DGKH: variants seen among roughly 807,000 people sequenced by gnomAD.
The protein encoded by DGKH is diacylglycerol kinase eta.
In DGKH, 90 loss-of-function variants were observed where a neutral mutation model predicts 159.3. The observed-to-expected ratio is 0.57, with a 90% CI of 0.48 to 0.67. The LOEUF (loss-of-function observed/expected upper bound fraction) is 0.67. Among genes scored for constraint, DGKH ranks in the 30% least tolerant of loss-of-function variants. The probability of loss-of-function intolerance (pLI) is 0.00; values close to 1 mark genes in which losing one functional copy is unlikely to be tolerated. For missense variants in DGKH, 1,181 were observed against 1,506.1 expected, an observed-to-expected ratio of 0.78 and a Z score of 3.57; for synonymous variants, 536 against 553.8, an observed-to-expected ratio of 0.97 and a Z score of 0.45.
intron 3 of DGKH, among the ~76,000 whole-genome samples, chr13:42,137,530 G>T (rs1266991173): frequency 3.9e-5 from 6 of 152,178 alleles, no homozygotes; most frequent in African/African-American, 1.4e-4. Context: ...CTATCTTCAT[G>T]ACTTTGCTAT....
rs1303208812 is a variant in DGKH at position 42,235,740 on chromosome 13, T to C, written c.*6552T>C. 1 of 152,178 alleles carries C rather than the reference T, an allele frequency of 6.6e-6. No individual in the cohort carries two copies. The highest frequency in any genetic ancestry group is 1.5e-5 in the Non-Finnish European group (1 of 67,998). The allele number at this position is 152,178 out of a possible 1,614,324, so 9.4% of individuals were successfully genotyped here. On this transcript the variant is annotated 3_prime_UTR_variant, in exon 30 of 30. Coordinates refer to ENST00000337343, the MANE Select transcript of DGKH (RefSeq NM_178009.5). ...AGTTTTGTGAGTTATATATTGTATA[T>C]TGAAGATGACTAGTAAATTCAAGTA...
intron 1 of DGKH, among the ~76,000 whole-genome samples, chr13:42,062,565 G>T (rs1882263004): frequency 6.6e-6 from 1 of 152,138 alleles, no homozygotes. Flanking sequence ...GCTTTCCTTG[G>T]GGGAACCAAA....
At chr13:42,247,230 T>C (rs1816370406), downstream of DGKH, among the ~76,000 whole-genome samples, 2 of 8,398 alleles carry the variant, frequency 2.4e-4, no homozygotes, top group Non-Finnish European at 7.2e-4. Context: ...CTATGTATAC[T>C]TTTTTTTTTT....
intron 1 of DGKH, among the ~76,000 whole-genome samples, chr13:42,079,085 A>G (rs1954152195): frequency 6.6e-6 from 1 of 150,974 alleles, no homozygotes; most frequent in Non-Finnish European, 1.5e-5. Flanking sequence ...CTAATTTTTT[A>G]TATATTTTTT....
intron 5 of DGKH, among the ~76,000 whole-genome samples, chr13:42,159,059 T>C (rs1321132851): frequency 6.6e-6 from 1 of 152,122 alleles, no homozygotes; most frequent in African/African-American, 2.4e-5. Context: ...TATAGCTTTA[T>C]AAAAGTGCTT....
At chr13:42,227,767 T>C (rs1958171622) in intron 29 of DGKH, among the ~76,000 whole-genome samples, 1 of 152,190 alleles carries the variant, frequency 6.6e-6, no homozygotes, top group African/African-American at 2.4e-5. Flanking sequence ...TCCAGAAGGA[T>C]TCATTACTGC....
rs150785974 is a variant in DGKH at position 42,097,779 on chromosome 13, G to A, written c.193-29684G>A. Among the ~76,000 whole-genome samples, 138 of 152,298 alleles carry A rather than the reference G, an allele frequency of 9.1e-4. 1 individual carries two copies. The highest frequency in any genetic ancestry group is 3.2e-3 in the African/African-American group (135 of 41,558). Reference sequence around the variant, plus strand: ...AGCTTTCCAGAGGTGAAGAAATAGGGAGTGAGGTGCAGGGGGTGTGTAAGG... The same window carrying A: ...AGCTTTCCAGAGGTGAAGAAATAGGAAGTGAGGTGCAGGGGGTGTGTAAGG... On this transcript the variant is annotated intron_variant, in intron 1 of 29. Transcript: ENST00000337343.
At chr13:42,071,251 A>G (rs1167422503) in intron 1 of DGKH, among the ~76,000 whole-genome samples, 1 of 152,206 alleles carries the variant, frequency 6.6e-6, no homozygotes, top group Non-Finnish European at 1.5e-5. Context: ...TGCTTCTGCC[A>G]AACAGGCCTG....
At chr13:42,110,218 C>CA (rs1365907531) in intron 1 of DGKH, among the ~76,000 whole-genome samples, 1 of 152,134 alleles carries the variant, frequency 6.6e-6, no homozygotes, top group Non-Finnish European at 1.5e-5. Flanking sequence ...GCTCAGCAGT[C>CA]AGATGCCTGC....
At chr13:42,246,360 G>A (rs1270278797), downstream of DGKH, among the ~76,000 whole-genome samples, 1 of 152,068 alleles carries the variant, frequency 6.6e-6, no homozygotes, top group Non-Finnish European at 1.5e-5. Context: ...AAGGGAGGAG[G>A]ATCGCTTGAG....
chr13:42,159,112 ATTG>A (rs1956112050), intron 5 of DGKH, among the ~76,000 whole-genome samples, 151 bp from the exon 6 acceptor site: 1 of 152,040 alleles, frequency 6.6e-6, no homozygotes, highest in Non-Finnish European at 1.5e-5. Context: ...TACCATTACT[ATTG>A]TTGCAGAATA....
chr13:42,170,953 A>C (rs1426938970), intron 11 of DGKH, among the ~76,000 whole-genome samples: 1 of 152,126 alleles, frequency 6.6e-6, no homozygotes, highest in Admixed American at 6.5e-5. Flanking sequence ...AAAAAAAAAA[A>C]AAAAAATACA....
chr13:42,146,927 G>T (rs1467281357), intron 3 of DGKH, among the ~76,000 whole-genome samples: 1 of 152,130 alleles, frequency 6.6e-6, no homozygotes, highest in Non-Finnish European at 1.5e-5. Flanking sequence ...AATGCTACAT[G>T]GGACCCACCT....
At position 42,146,150 on chromosome 13, in the gene DGKH, C is replaced by CTTTTTTTTTTT. The variant is rs57139526; in HGVS notation, c.385-9133_385-9123dup. ...TGTAAGAGTTCAGATTCTGGGGAGG[C>CTTTTTTTTTTT]TTTTTTTTTTTTTTTTTTGTACAGG... On this transcript the variant is annotated intron_variant, in intron 3 of 29. Transcript: ENST00000337343. Among the ~76,000 whole-genome samples, 48 of 110,274 alleles carry CTTTTTTTTTTT rather than the reference C, an allele frequency of 4.4e-4. 2 individuals are homozygous for CTTTTTTTTTTT. Among genetic ancestry groups the CTTTTTTTTTTT allele is most frequent in the Non-Finnish European group, 6.4e-4 (36 of 56,254 alleles). The allele number at this position is 110,274 out of a possible 152,430, so 72.3% of individuals were successfully genotyped here.
At chr13:42,171,860 C>T (rs1342335488) in intron 11 of DGKH, among the ~76,000 whole-genome samples, 11 of 139,622 alleles carry the variant, frequency 7.9e-5, no homozygotes, top group Non-Finnish European at 1.5e-4. Context: ...GACGGAGTCT[C>T]GCTCTGTAGC....
At chr13:42,070,374 T>C in intron 1 of DGKH, 1 of 1,429,086 alleles carries the variant, frequency 7.0e-7, no homozygotes, top group South Asian at 1.1e-5. Flanking sequence ...GCTGCATCTG[T>C]TCAAGTTCAT....
chr13:42,095,461 C>A (rs1316545550), intron 1 of DGKH, among the ~76,000 whole-genome samples: 1 of 152,106 alleles, frequency 6.6e-6, no homozygotes, highest in Non-Finnish European at 1.5e-5. Context: ...CTGCACCCAG[C>A]CAAATGTTGA....
chr13:42,181,151 C>T (rs1471784207), intron 13 of DGKH, among the ~76,000 whole-genome samples: 2 of 151,896 alleles, frequency 1.3e-5, no homozygotes, highest in South Asian at 4.2e-4. Context: ...ATGGTGGGCG[C>T]CTGTAGTCCT....
rs1378881533 is a variant in DGKH at position 42,233,917 on chromosome 13, C to G, written c.*4729C>G. On this transcript the variant is annotated 3_prime_UTR_variant, in exon 30 of 30. Coordinates refer to ENST00000337343, the MANE Select transcript of DGKH (RefSeq NM_178009.5). Reference sequence around the variant, plus strand: ...ATGCATGAGGACACATAGCAGTACACACACATTGAATGAATTGTTAGTCAT... The same window carrying G: ...ATGCATGAGGACACATAGCAGTACAGACACATTGAATGAATTGTTAGTCAT... The G allele has an allele frequency of 3.9e-5, 6 of 152,190 alleles. No homozygotes were observed. The highest frequency in any genetic ancestry group is 7.3e-5 in the Non-Finnish European group (5 of 68,038). 9.4% of individuals were successfully genotyped at this position (152,190 alleles called of 1,614,324 possible). A position where few individuals can be genotyped will look rare whatever the true frequency, so the allele number is the denominator to read the frequency against.
Sources: gnomAD v4.1 joint callset for allele counts (sites outside exome capture counted in the v4.1 genomes callset) on GRCh38, gnomAD v4.1.1 for gene constraint, MANE v1.5 for transcripts, NCBI Gene and HGNC (gene_info 2026-07-23, HGNC 2026-07-21) for gene names.